The following SLC6A13 variants were observed in gnomAD, a reference collection of about 807,000 sequenced individuals.
The protein encoded by SLC6A13 is solute carrier family 6 member 13, also known as sodium- and chloride-dependent GABA transporter 2.
SLC6A13 carries 69 observed loss-of-function variants against 72.9 expected under a neutral mutation model. The ratio of observed to expected loss-of-function variants is 0.95; its 90% CI spans 0.78 to 1.16. The LOEUF is 1.16. Ranked by LOEUF, SLC6A13 falls within the 50% of genes most tolerant of loss-of-function variation. The pLI is 0.00. For missense variants in SLC6A13, 735 were observed against 760.5 expected (o/e 0.97, Z 0.39); for synonymous variants, 303 against 303.0 (o/e 1.00, Z 0.00).
rs371144590 is a variant in SLC6A13 at position 224,530 on chromosome 12, A to G, written c.1061-17T>C. The G allele has an allele frequency of 1.2e-6, 2 of 1,606,564 alleles. No homozygotes were observed. Among genetic ancestry groups the G allele is most frequent in the Admixed American group, 1.7e-5 (1 of 60,016 alleles). On this transcript the variant is annotated splice_polypyrimidine_tract_variant and intron_variant, in intron 9 of 14. Transcript: ENST00000343164. ...GGCCAGGGCCTACGACAAGGAGCAG[A>G]GGAACACGGGCCAGTGCCCGGGCCA...
intron 9 of SLC6A13, 106 bp downstream of exon 9, chr12:226,284 G>T: frequency 7.3e-7 from 1 of 1,373,316 alleles, no homozygotes; most frequent in Non-Finnish European, 1.0e-6. Flanking sequence ...AATGGTGGCC[G>T]TAGCTCACCC....
At chr12:227,957 G>A (rs1010320098) in intron 7 of SLC6A13, among the ~76,000 whole-genome samples, 1 of 152,106 alleles carries the variant, frequency 6.6e-6, no homozygotes, top group East Asian at 1.9e-4. Context: ...GGGTGGGACA[G>A]GGCTCTAGAA....
intron 2 of SLC6A13, among the ~76,000 whole-genome samples, chr12:250,884 T>G (rs1942514314): frequency 6.8e-6 from 1 of 147,574 alleles, no homozygotes; most frequent in Non-Finnish European, 1.5e-5. Context: ...AGTGGCTCAT[T>G]TCTTTTTGGG....
chr12:240,847 TG>T (rs1274769602), intron 4 of SLC6A13, among the ~76,000 whole-genome samples: 1 of 152,160 alleles, frequency 6.6e-6, no homozygotes, highest in Non-Finnish European at 1.5e-5. Flanking sequence ...AAGACGTGCC[TG>T]GAAGGGGAGC....
At chr12:225,696 C>T (rs552535865) in intron 9 of SLC6A13, among the ~76,000 whole-genome samples, 1 of 151,444 alleles carries the variant, frequency 6.6e-6, no homozygotes, top group African/African-American at 2.4e-5. Context: ...GAGACACTAT[C>T]GTTCTTAAAG....
rs571217405 is a variant in SLC6A13 at position 224,393 on chromosome 12, C to T, written c.1173+8G>A. 6.2e-6 allele frequency: 10 copies of T among 1,611,802 alleles called. No individual in the cohort carries two copies. In the East Asian group the frequency reaches 1.3e-4, roughly 22 times the overall value. On this transcript the variant is annotated splice_region_variant and intron_variant, in intron 10 of 14. Transcript: ENST00000343164. ...TCTCTCAGCCTCTGAGTGGCTGCCT[C>T]TTGATACCTGGCTATCCAGTCCCAG... is the stretch of plus-strand genomic sequence containing the variant.
intron 6 of SLC6A13, 69 bp from the exon 7 acceptor site, chr12:235,293 A>C: frequency 6.5e-7 from 1 of 1,545,288 alleles, no homozygotes; most frequent in Non-Finnish European, 8.9e-7. Flanking sequence ...AGGCAGGGGC[A>C]GGAGGCAGGG....
At position 227,693 on chromosome 12, in the gene SLC6A13, G is replaced by A. The variant is rs755909584; in HGVS notation, c.832-25C>T. The A allele has an allele frequency of 1.9e-6, 3 of 1,567,746 alleles. No individual in the cohort carries two copies. In the East Asian group the frequency reaches 6.8e-5, roughly 36 times the overall value. On this transcript the variant is annotated intron_variant, in intron 7 of 14. Transcript: ENST00000343164. ...CCTACAAAGGGGAAGGGCAAGAAAG[G>A]TGAACTCCCAGGAAAGCCAGGCCAT...
intron 10 of SLC6A13, 39 bp downstream of exon 10, chr12:224,362 C>T: frequency 2.6e-6 from 4 of 1,541,350 alleles, no homozygotes; most frequent in Admixed American, 1.7e-5. Flanking sequence ...CACACCCCCC[C>T]ACTCATCTCT....
In SLC6A13 at chr12:222,624, G is replaced by T; in HGVS notation, c.1423C>A (p.Arg475Ser). ...LCVAWVYGAK[R>S]FYDNIEDMIG... Reference sequence around the variant, plus strand: ...ATGTCTTCGATGTTGTCGTAGAAGCGCTTGGCTCCTACCATGGAGAAAAGA... The same window carrying T: ...ATGTCTTCGATGTTGTCGTAGAAGCTCTTGGCTCCTACCATGGAGAAAAGA... The change falls in exon 13 of 15, where the codon CGC becomes AGC. Residue 475 changes from arginine (R) to serine (S), a missense_variant. Arg to Ser is a moderately radical substitution (Grantham distance 110). Coordinates refer to ENST00000343164, the MANE Select transcript of SLC6A13 (RefSeq NM_016615.5). 4.4e-6 allele frequency: 7 copies of T among 1,601,406 alleles called. No homozygotes were observed. Among genetic ancestry groups the T allele is most frequent in the Non-Finnish European group, 6.0e-6 (7 of 1,171,216 alleles).
chr12:257,222 G>A (rs1399072362), intron 2 of SLC6A13: 1 of 151,782 alleles, frequency 6.6e-6, no homozygotes, highest in Non-Finnish European at 1.5e-5. Context: ...AAAATAGGCA[G>A]GTCCAGGTTC....
intron 6 of SLC6A13, among the ~76,000 whole-genome samples, chr12:236,446 G>C (rs1941934398): frequency 6.6e-6 from 1 of 152,186 alleles, no homozygotes; most frequent in South Asian, 2.1e-4. Context: ...TTGAAATATT[G>C]GGAGCGGGTT....
chr12:220,996 G>C lies in SLC6A13; in HGVS notation c.1761C>G (p.Thr587=). ...RNPAGPSAPA[T]PRTSLLRLTE... is the part of the protein sequence containing the mutation. ...TGAGTCTGAGCAGTGAGGTCCTGGG[G>C]GTGGCGGGAGCCGAGGGTCCTGCTG... Residue 587 remains threonine (T), a synonymous_variant, in exon 15 of 15, where the codon ACC becomes ACG. Coordinates refer to ENST00000343164, the MANE Select transcript of SLC6A13 (RefSeq NM_016615.5). 1 of 1,612,888 alleles carries C rather than the reference G, an allele frequency of 6.2e-7. No homozygotes were observed. The highest frequency in any genetic ancestry group is 8.5e-7 in the Non-Finnish European group (1 of 1,179,872).
At chr12:241,852 C>A (rs1478660567) in intron 4 of SLC6A13, among the ~76,000 whole-genome samples, 1 of 152,236 alleles carries the variant, frequency 6.6e-6, no homozygotes, top group Non-Finnish European at 1.5e-5. Context: ...CAGCACATAG[C>A]AACGCTTCAG....
chr12:259,677 C>T (rs958682443), intron 2 of SLC6A13, 174 bp downstream of exon 2: 68 of 1,472,964 alleles, frequency 4.6e-5, no homozygotes, highest in Admixed American at 2.3e-4. Context: ...GGGATAGTCA[C>T]GTAACCTTTC....
At position 254,987 on chromosome 12, in the gene SLC6A13, AAAC is replaced by A. The variant is rs745964541; in HGVS notation, c.202+4861_202+4863del. On this transcript the variant is annotated intron_variant, in intron 2 of 14. Transcript: ENST00000343164. This position sits in a 1 kb window ranked among gnomAD's most constrained non-coding sequence, Gnocchi z 4.4. ...CATGGCGAAACCCCCTCTCTATTAA[AAAC>A]AACAACAACAACAAAACAAAACACA... Among the ~76,000 whole-genome samples, 1 of 152,022 alleles carries A rather than the reference AAAC, an allele frequency of 6.6e-6. No homozygotes were observed. Among genetic ancestry groups the A allele is most frequent in the Non-Finnish European group, 1.5e-5 (1 of 68,006 alleles).
intron 6 of SLC6A13, 70 bp downstream of exon 6, chr12:237,088 C>T: frequency 3.2e-6 from 5 of 1,562,852 alleles, no homozygotes; most frequent in Non-Finnish European, 4.4e-6. Flanking sequence ...GCTTAGAGAA[C>T]TCCTGGGTGA....
At chr12:247,007 CAAAA>C (rs747908813) in intron 2 of SLC6A13, among the ~76,000 whole-genome samples, 1 of 113,170 alleles carries the variant, frequency 8.8e-6, no homozygotes, top group Non-Finnish European at 1.8e-5. Flanking sequence ...GACTCCATCT[CAAAA>C]AAAAAAAAAA....
rs80158473 is a variant in SLC6A13, at chr12:258,888, G to C, written c.202+963C>G. ...TAAAAAGAGAGCCTATACTAGAAGG[G>C]GCTGGGTAATGGATGGCTTAGGGAG... On this transcript the variant is annotated intron_variant, in intron 2 of 14. Coordinates refer to ENST00000343164, the MANE Select transcript of SLC6A13 (RefSeq NM_016615.5). 2.9e-4 allele frequency: 283 copies of C among 980,152 alleles called. 7 individuals carry two copies. In the East Asian group the frequency reaches 0.027, roughly 94 times the overall value. The allele number at this position is 980,152 out of a possible 1,614,324, so 60.7% of individuals were successfully genotyped here.
Sources: allele counts gnomAD v4.1 joint callset (sites outside exome capture counted in the v4.1 genomes callset), GRCh38; gene constraint gnomAD v4.1.1; non-coding constraint Gnocchi (gnomAD v3.1); transcripts MANE v1.5; gene names NCBI Gene and HGNC (gene_info 2026-07-23, HGNC 2026-07-21).